The following TMEM72 variants were observed in gnomAD, a reference collection of about 807,000 sequenced individuals.
The protein encoded by TMEM72 is kidney-specific secretory protein of 37 kDa.
A neutral mutation model predicts 16.3 loss-of-function variants in TMEM72; 9 were observed. The ratio of observed to expected loss-of-function variants is 0.55; its 90% CI spans 0.33 to 0.96. The LOEUF is 0.96. TMEM72 is among the 40% of genes least tolerant of loss of function. The probability of loss-of-function intolerance (pLI) is 0.03; values close to 1 mark genes in which losing one functional copy is unlikely to be tolerated. For missense variants in TMEM72, 324 were observed against 337.8 expected (o/e 0.96, Z 0.32); for synonymous variants, 160 against 146.5 (o/e 1.09, Z -0.66).
At chr10:44,917,896 C>A (rs1028939356) in intron 1 of TMEM72, among the ~76,000 whole-genome samples, 4 of 152,158 alleles carry the variant, frequency 2.6e-5, no homozygotes, top group Non-Finnish European at 5.9e-5. Flanking sequence ...AGAAATTTCT[C>A]CTGTGGGCCT....
chr10:44,914,497 G>A (rs1208859169), intron 1 of TMEM72, among the ~76,000 whole-genome samples: 4 of 152,212 alleles, frequency 2.6e-5, no homozygotes, highest in South Asian at 2.1e-4. Flanking sequence ...TTGCTGAGAC[G>A]CGGCATCCAT....
At position 44,933,721 on chromosome 10, in the gene TMEM72, G is replaced by A; in HGVS notation, c.294G>A (p.Leu98=). The A allele has an allele frequency of 1.2e-6, 2 of 1,614,128 alleles. No individual in the cohort carries two copies. The highest frequency in any genetic ancestry group is 1.3e-5 in the African/African-American group (1 of 75,054). Residue 98 remains leucine, a synonymous_variant, in exon 4 of 5, where the codon CTG becomes CTA. Coordinates refer to ENST00000389583, the MANE Select transcript of TMEM72 (RefSeq NM_001123376.3). The part of the protein sequence containing the change: ...GCFQKFLAYL[L]LSVACFLHPV... ...TCCAGAAGTTCCTGGCCTACCTGCT[G>A]CTGTCGGTGGCCTGCTTCCTCCACC...
intron 1 of TMEM72, among the ~76,000 whole-genome samples, chr10:44,916,757 C>A (rs1840019113): frequency 6.6e-6 from 1 of 152,130 alleles, no homozygotes; most frequent in South Asian, 2.1e-4. Flanking sequence ...CCCTCTGTTC[C>A]CCCCACCTAC....
chr10:44,926,135 ACACT>A (rs573861888), intron 1 of TMEM72, among the ~76,000 whole-genome samples: 17 of 151,922 alleles, frequency 1.1e-4, no homozygotes, highest in Non-Finnish European at 2.2e-4. Context: ...ATACACTCAC[ACACT>A]CACATATATA....
intron 1 of TMEM72, among the ~76,000 whole-genome samples, chr10:44,924,709 T>C (rs1840157695): frequency 6.6e-6 from 1 of 152,238 alleles, no homozygotes; most frequent in African/African-American, 2.4e-5. Flanking sequence ...CGGTGACCCG[T>C]TGGCCTGGAT....
At chr10:44,928,143 C>A (rs1478380453) in intron 2 of TMEM72, among the ~76,000 whole-genome samples, 156 bp downstream of exon 2, 3 of 152,116 alleles carry the variant, frequency 2.0e-5, no homozygotes. Context: ...AGAATAGCTC[C>A]TGGTTTGTGC....
At chr10:44,927,574 A>G (rs1426392012) in intron 1 of TMEM72, among the ~76,000 whole-genome samples, 1 of 152,246 alleles carries the variant, frequency 6.6e-6, no homozygotes, top group Non-Finnish European at 1.5e-5. Flanking sequence ...CCAGACACAC[A>G]GCACACACTG....
At chr10:44,921,629 G>A (rs946953004) in intron 1 of TMEM72, among the ~76,000 whole-genome samples, 1 of 152,236 alleles carries the variant, frequency 6.6e-6, no homozygotes, top group Non-Finnish European at 1.5e-5. Flanking sequence ...GGGGGTATCT[G>A]TTCCAGTGAG....
At chr10:44,923,640 C>T (rs1161204356) in intron 1 of TMEM72, among the ~76,000 whole-genome samples, 1 of 152,148 alleles carries the variant, frequency 6.6e-6, no homozygotes, top group African/African-American at 2.4e-5. Flanking sequence ...GTCTACATGG[C>T]GTGTGGTGGC....
At chr10:44,932,104 A>G (rs750223199) in intron 3 of TMEM72, 35 bp downstream of exon 3, 1 of 1,599,076 alleles carries the variant, frequency 6.3e-7, no homozygotes. Flanking sequence ...TCCATTGTCC[A>G]CCCCAGCCCC....
chr10:44,933,249 T>G (rs1467025977), intron 3 of TMEM72, among the ~76,000 whole-genome samples: 1 of 152,246 alleles, frequency 6.6e-6, no homozygotes, highest in Non-Finnish European at 1.5e-5. Flanking sequence ...AAGCCTCTTA[T>G]GCAGTGCACT....
At chr10:44,925,591 G>A (rs903777320) in intron 1 of TMEM72, among the ~76,000 whole-genome samples, 33 of 152,220 alleles carry the variant, frequency 2.2e-4, no homozygotes, top group African/African-American at 7.7e-4. Context: ...TGACCACTGT[G>A]TGCAGGAGAT....
intron 1 of TMEM72, among the ~76,000 whole-genome samples, chr10:44,912,160 G>A (rs1460544659): frequency 1.3e-5 from 2 of 152,198 alleles, no homozygotes; most frequent in Non-Finnish European, 2.9e-5. Flanking sequence ...TCTGAGGTCT[G>A]ACTGCAGGAA....
chr10:44,930,378 C>CTGGA (rs1840276631), intron 2 of TMEM72, among the ~76,000 whole-genome samples: 2 of 152,220 alleles, frequency 1.3e-5, no homozygotes, highest in Admixed American at 1.3e-4. Flanking sequence ...CACACAAGCT[C>CTGGA]TGGAGCCTGC....
At chr10:44,922,525 G>C (rs1329593316) in intron 1 of TMEM72, among the ~76,000 whole-genome samples, 2 of 152,226 alleles carry the variant, frequency 1.3e-5, no homozygotes, top group Admixed American at 1.3e-4. Context: ...TAGCACACCA[G>C]GCTAGGAGCT....
intron 1 of TMEM72, among the ~76,000 whole-genome samples, chr10:44,922,141 C>T (rs1398142009): frequency 2.6e-5 from 4 of 152,148 alleles, no homozygotes; most frequent in Non-Finnish European, 4.4e-5. Context: ...CAGAGAGCCC[C>T]GCCTAAATCT....
chr10:44,914,461 G>A (rs952624299), intron 1 of TMEM72, among the ~76,000 whole-genome samples: 1 of 152,200 alleles, frequency 6.6e-6, no homozygotes, highest in Non-Finnish European at 1.5e-5. Flanking sequence ...GCATGCATGC[G>A]CCCGTGTGAT....
At chr10:44,914,380 AC>A (rs1839983404) in intron 1 of TMEM72, among the ~76,000 whole-genome samples, 1 of 152,202 alleles carries the variant, frequency 6.6e-6, no homozygotes, top group Admixed American at 6.5e-5. Flanking sequence ...CATTGTTTAC[AC>A]CGGGTTCATT....
chr10:44,911,646 G>A lies in TMEM72; in HGVS notation c.70+64G>A, dbSNP rs533936641. The A allele has an allele frequency of 1.4e-5, 21 of 1,527,614 alleles. No homozygotes were observed. The African/African-American group carries it at 2.3e-4, about 17-fold the overall frequency. The allele number at this position is 1,527,614 out of a possible 1,614,324, so 94.6% of individuals were successfully genotyped here. Reference sequence around the variant, plus strand: ...GGCACCACAGATAGGGCTGCCTGAGGGGTGGGAGGTGGCCAGGAGACAGCA... The same window carrying A: ...GGCACCACAGATAGGGCTGCCTGAGAGGTGGGAGGTGGCCAGGAGACAGCA... On this transcript the variant is annotated intron_variant, in intron 1 of 4. Transcript: ENST00000389583.
Sources: allele counts gnomAD v4.1 joint callset (sites outside exome capture counted in the v4.1 genomes callset), GRCh38; gene constraint gnomAD v4.1.1; transcripts MANE v1.5; gene names NCBI Gene and HGNC (gene_info 2026-07-23, HGNC 2026-07-21).